Variants in OR7C1 observed in about 807,000 individuals in gnomAD.
OR7C1 encodes olfactory receptor family 7 subfamily C member 1, also known as olfactory receptor 7C1.
For missense variants in OR7C1, 324 were observed against 383.3 expected, an observed-to-expected ratio of 0.85 and a Z score of 1.29; for synonymous variants, 152 against 160.7, an observed-to-expected ratio of 0.95 and a Z score of 0.41.
chr19:14,799,693 G>A (rs1397910084), exon 5 of OR7C1: 1 of 1,614,116 alleles, frequency 6.2e-7, no homozygotes, highest in Non-Finnish European at 8.5e-7. Flanking sequence ...TGATGCACCA[G>A]GACCCCAGAA....
chr19:14,805,942 G>A (rs866559391), intron 2 of OR7C1, among the ~76,000 whole-genome samples: 1 of 151,946 alleles, frequency 6.6e-6, no homozygotes. Flanking sequence ...ATCCAAAAAT[G>A]TAATTTGGAC....
intron 1 of OR7C1, among the ~76,000 whole-genome samples, chr19:14,815,977 A>G (rs2044714662): frequency 6.6e-6 from 1 of 152,198 alleles, no homozygotes; most frequent in Middle Eastern, 3.4e-3. Context: ...ACATGCCACC[A>G]TGCCCAGTTA....
At chr19:14,815,811 G>GTGTC (rs2044713688) in intron 1 of OR7C1, among the ~76,000 whole-genome samples, 1 of 150,236 alleles carries the variant, frequency 6.7e-6, no homozygotes, top group Admixed American at 6.6e-5. Flanking sequence ...GTGTGTGTGT[G>GTGTC]TGTGTCTGTG....
chr19:14,804,863 T>C (rs2044658819), intron 2 of OR7C1, among the ~76,000 whole-genome samples: 1 of 151,922 alleles, frequency 6.6e-6, no homozygotes, highest in South Asian at 2.1e-4. Flanking sequence ...TTATGTTATA[T>C]TAATTTCATC....
intron 1 of OR7C1, among the ~76,000 whole-genome samples, chr19:14,810,298 C>G (rs925933617): frequency 6.6e-6 from 1 of 151,844 alleles, no homozygotes; most frequent in Non-Finnish European, 1.5e-5. Context: ...CTCCAAGTTT[C>G]TGAGGGACAC....
chr19:14,830,910 G>A (rs986585496), intron 1 of OR7C1, among the ~76,000 whole-genome samples: 1 of 152,170 alleles, frequency 6.6e-6, no homozygotes, highest in Non-Finnish European at 1.5e-5. Context: ...AAAAATGCAA[G>A]TTAGCTCACT....
intron 1 of OR7C1, among the ~76,000 whole-genome samples, chr19:14,828,936 C>T (rs1479194605): frequency 5.2e-5 from 4 of 77,424 alleles, no homozygotes; most frequent in South Asian, 5.0e-4. Context: ...ATTAAACAAT[C>T]GAATATAAAC....
chr19:14,825,361 G>A lies in OR7C1; in HGVS notation c.-623+9713C>T, dbSNP rs1281271994. 3 of 152,178 alleles carry A rather than the reference G, an allele frequency of 2.0e-5. No homozygotes were observed. In the East Asian group the frequency reaches 5.8e-4, roughly 29 times the overall value. The allele number at this position is 152,178 out of a possible 1,614,324, so 9.4% of individuals were successfully genotyped here. On this transcript the variant is annotated intron_variant, in intron 1 of 4. Coordinates refer to ENST00000641666, the Ensembl canonical transcript of OR7C1. ...TGGTTATGTAGGATGAATAAGCCTA[G>A]ACATCTAATGTACACTATGACGACT... is the stretch of plus-strand genomic sequence containing the variant.
At chr19:14,828,787 A>AAAAAAG (rs2044802056) in intron 1 of OR7C1, among the ~76,000 whole-genome samples, 1 of 141,444 alleles carries the variant, frequency 7.1e-6, no homozygotes, top group African/African-American at 2.6e-5. Context: ...AAAAAAAAAA[A>AAAAAAG]GAATGAGAAC....
rs989772368 is a variant in OR7C1 at position 14,811,954 on chromosome 19, G to C, written c.-622-1961C>G. Among the ~76,000 whole-genome samples, 41 of 151,926 alleles carry C rather than the reference G, an allele frequency of 2.7e-4. 1 individual carries two copies. Among genetic ancestry groups the C allele is most frequent in the Middle Eastern group, 3.4e-3 (1 of 294 alleles). ...GTACTGGTCTGTGGCCCAGGGGTTG[G>C]GGACCCCTGCACTAAGTTATTTACT... is the stretch of plus-strand genomic sequence containing the variant. On this transcript the variant is annotated intron_variant, in intron 1 of 4. Transcript: ENST00000641666.
intron 1 of OR7C1, chr19:14,824,598 A>G (rs1461726088): frequency 3.3e-5 from 5 of 152,144 alleles, no homozygotes; most frequent in African/African-American, 1.2e-4. Flanking sequence ...GTGTGTACAT[A>G]CTACATTTTC....
chr19:14,829,617 C>T (rs1049892584), intron 1 of OR7C1, among the ~76,000 whole-genome samples: 2 of 152,086 alleles, frequency 1.3e-5, no homozygotes, highest in African/African-American at 4.8e-5. Context: ...AATAAGGGGA[C>T]CTGGCTGTCA....
At position 14,799,993 on chromosome 19, in the gene OR7C1, G is replaced by A. The variant is rs2044633142; in HGVS notation, c.144C>T (p.Ala48=). The A allele has an allele frequency of 9.3e-6, 15 of 1,614,128 alleles. 1 individual carries two copies. The highest frequency in any genetic ancestry group is 1.3e-5 in the Non-Finnish European group (15 of 1,180,032). The change falls in exon 5 of 5, where the codon GCC becomes GCT. Residue 48 remains alanine, a synonymous_variant. Transcript: ENST00000641666. The stretch of plus-strand genomic sequence containing the variant: ...TGTGGAGGTGGGAGTCTGAGCATAT[G>A]GCCAGGATGATGAGCAGGTTCCCGG...
chr19:14,813,610 C>A (rs1238416367), intron 1 of OR7C1, among the ~76,000 whole-genome samples: 1 of 152,034 alleles, frequency 6.6e-6, no homozygotes, highest in African/African-American at 2.4e-5. Context: ...GGTTTAATTG[C>A]CTCACAGGTC....
At chr19:14,831,616 T>C (rs915704974) in intron 1 of OR7C1, among the ~76,000 whole-genome samples, 1 of 152,050 alleles carries the variant, frequency 6.6e-6, no homozygotes, top group African/African-American at 2.4e-5. Flanking sequence ...GGCTAATTTT[T>C]GTATTTTTAG....
At chr19:14,805,753 G>A (rs2044663640) in intron 2 of OR7C1, among the ~76,000 whole-genome samples, 1 of 151,856 alleles carries the variant, frequency 6.6e-6, no homozygotes, top group Non-Finnish European at 1.5e-5. Flanking sequence ...TAATCTGAAT[G>A]ACCAGCTTCA....
chr19:14,813,915 C>T (rs1246361943), intron 1 of OR7C1, among the ~76,000 whole-genome samples: 1 of 152,150 alleles, frequency 6.6e-6, no homozygotes, highest in East Asian at 1.9e-4. Context: ...CCATGACCAA[C>T]AGGACTTAGG....
At chr19:14,828,474 C>A (rs904985977) in intron 1 of OR7C1, among the ~76,000 whole-genome samples, 2 of 152,118 alleles carry the variant, frequency 1.3e-5, no homozygotes, top group Non-Finnish European at 2.9e-5. Flanking sequence ...AGAATAAGAA[C>A]TTCTGGCTGG....
chr19:14,801,788 C>A (rs551984476), intron 2 of OR7C1, among the ~76,000 whole-genome samples: 1 of 152,278 alleles, frequency 6.6e-6, no homozygotes, highest in East Asian at 1.9e-4. Flanking sequence ...TTTCACATGG[C>A]AGCAGAGAGA....
Sources: allele counts gnomAD v4.1 joint callset (sites outside exome capture counted in the v4.1 genomes callset), GRCh38; gene constraint gnomAD v4.1.1; transcripts MANE v1.5; gene names NCBI Gene and HGNC (gene_info 2026-07-23, HGNC 2026-07-21).